The following TMCO4 variants were observed in gnomAD, a reference collection of about 807,000 sequenced individuals.
TMCO4 encodes transmembrane and coiled-coil domains 4.
TMCO4 carries 58 observed loss-of-function variants against 64.7 expected under a neutral mutation model. That is an observed-to-expected ratio of 0.90 (90% confidence interval 0.73 to 1.12). The LOEUF (loss-of-function observed/expected upper bound fraction) is 1.12, where lower values mean the gene tolerates loss of function less well. Ranked by LOEUF, TMCO4 falls within the 50% of genes most tolerant of loss-of-function variation. The pLI is 0.00. For synonymous variants in TMCO4, 325 were observed against 346.1 expected, an observed-to-expected ratio of 0.94 and a Z score of 0.68; for missense variants, 780 against 825.9, an observed-to-expected ratio of 0.94 and a Z score of 0.68.
At position 19,702,285 on chromosome 1, in the gene TMCO4, C is replaced by CAAAA. The variant is rs71010505; in HGVS notation, c.1265-1404_1265-1401dup. ...TGCCTGGCCGAGACTCTTGTCTTTA[C>CAAAA]AAAAAAAAAAAAAAAAAAAGTCAGG... On this transcript the variant is annotated intron_variant, in intron 13 of 15. Transcript: ENST00000294543. Among the ~76,000 whole-genome samples the CAAAA allele has an allele frequency of 7.7e-3, 795 of 102,892 alleles. 27 individuals are homozygous for CAAAA. The highest frequency in any genetic ancestry group is 0.025 in the African/African-American group (732 of 29,064). 67.5% of individuals were successfully genotyped at this position (102,892 alleles called of 152,430 possible). A position where few individuals can be genotyped will look rare whatever the true frequency, so the allele number is the denominator to read the frequency against.
At chr1:19,764,944 C>G (rs960147550) in intron 6 of TMCO4, among the ~76,000 whole-genome samples, 2 of 150,772 alleles carry the variant, frequency 1.3e-5, no homozygotes, top group African/African-American at 4.9e-5. Flanking sequence ...CACCTCAAGT[C>G]TTTCTGATTC....
At chr1:19,775,059 GGTTT>G (rs916714723) in intron 4 of TMCO4, among the ~76,000 whole-genome samples, 25 of 152,032 alleles carry the variant, frequency 1.6e-4, no homozygotes, top group Non-Finnish European at 2.4e-4. Flanking sequence ...TGCTGGGTTT[GGTTT>G]GTTTGTTTGT....
Position 19,686,954 on chromosome 1 carries a change from AAT to A in TMCO4, c.1501-3512_1501-3511del, listed in dbSNP as rs1491356481. Among the ~76,000 whole-genome samples, 17 of 61,754 alleles carry A rather than the reference AAT, an allele frequency of 2.8e-4. 1 individual carries two copies. The South Asian group carries it at 7.9e-3, about 29-fold the overall frequency. The allele number at this position is 61,754 out of a possible 152,430, so 40.5% of individuals were successfully genotyped here. On this transcript the variant is annotated intron_variant, in intron 15 of 15. Transcript: ENST00000294543. Reference sequence around the variant, plus strand: ...ATCCAAAACACTTTTTGTTTTTCTTAATTTTTTTTTTTTTTGAGACGGAGTCT... The same window carrying A: ...ATCCAAAACACTTTTTGTTTTTCTTATTTTTTTTTTTTTGAGACGGAGTCT...
chr1:19,690,091 C>T (rs2095180161), intron 15 of TMCO4, among the ~76,000 whole-genome samples: 2 of 152,248 alleles, frequency 1.3e-5, no homozygotes, highest in South Asian at 4.1e-4. Context: ...ACTTTCCTGC[C>T]TTTGGGTAGG....
intron 13 of TMCO4, among the ~76,000 whole-genome samples, chr1:19,708,326 T>C (rs1318384687): frequency 6.6e-6 from 1 of 151,740 alleles, no homozygotes; most frequent in Non-Finnish European, 1.5e-5. Flanking sequence ...ACTGGACTCC[T>C]GAGACGGTGC....
chr1:19,780,458 A>T, intron 4 of TMCO4, 122 bp downstream of exon 4: 1 of 1,213,884 alleles, frequency 8.2e-7, no homozygotes, highest in South Asian at 1.7e-5. Flanking sequence ...CCTGCGTTAG[A>T]GGCAAGGACA....
At chr1:19,721,517 G>A (rs1425730540) in intron 13 of TMCO4, among the ~76,000 whole-genome samples, 2 of 152,226 alleles carry the variant, frequency 1.3e-5, no homozygotes, top group South Asian at 2.1e-4. Context: ...GGCCAGGCGC[G>A]GGGGCTCATG....
At chr1:19,686,812 C>CT (rs1284937368) in intron 15 of TMCO4, among the ~76,000 whole-genome samples, 1 of 152,206 alleles carries the variant, frequency 6.6e-6, no homozygotes, top group Admixed American at 6.5e-5. Context: ...TGAACCACAG[C>CT]TTCCCCATCT....
At chr1:19,685,305 G>A (rs541535139) in intron 15 of TMCO4, among the ~76,000 whole-genome samples, 4 of 148,846 alleles carry the variant, frequency 2.7e-5, no homozygotes, top group South Asian at 2.2e-4. Context: ...CAGTTTGGGC[G>A]ACAGAGCAAG....
intron 4 of TMCO4, among the ~76,000 whole-genome samples, chr1:19,772,137 C>T (rs2101029056): frequency 6.6e-6 from 1 of 152,286 alleles, no homozygotes; most frequent in African/African-American, 2.4e-5. Flanking sequence ...AGGGTGGATG[C>T]TCAAGTAACC....
Position 19,740,954 on chromosome 1 carries a change from C to T in TMCO4, c.878-13G>A, listed in dbSNP as rs1338420851. 1 of 1,588,864 alleles carries T rather than the reference C, an allele frequency of 6.3e-7. No individual in the cohort carries two copies. The highest frequency in any genetic ancestry group is 8.6e-7 in the Non-Finnish European group (1 of 1,167,060). On this transcript the variant is annotated splice_polypyrimidine_tract_variant and intron_variant, in intron 10 of 15. Transcript: ENST00000294543. The stretch of plus-strand genomic sequence containing the variant: ...GCACTGAAGGTGCCTGGGGAGATCA[C>T]AGGTAGGTGAAGTCTCTCTTGTCTA...
intron 9 of TMCO4, among the ~76,000 whole-genome samples, chr1:19,746,060 C>T (rs1314592716): frequency 2.0e-5 from 3 of 152,170 alleles, no homozygotes; most frequent in Admixed American, 6.5e-5. Context: ...AATGTCTGTG[C>T]ATGACGAGGT....
rs1226151993 is a variant in TMCO4, at chr1:19,732,268, C to T, written c.1264+5104G>A. ...CTCACTGCATCTTCAACCTCCTGGG[C>T]TCAAGTGATCCTCCTGCCTCAGCCT... On this transcript the variant is annotated intron_variant, in intron 13 of 15. Transcript: ENST00000294543. This position sits in a 1 kb window ranked among gnomAD's most constrained non-coding sequence, Gnocchi z 4.8. Among the ~76,000 whole-genome samples, 1 of 152,170 alleles carries T rather than the reference C, an allele frequency of 6.6e-6. No homozygotes were observed. The highest frequency in any genetic ancestry group is 2.4e-5 in the African/African-American group (1 of 41,438).
At chr1:19,760,972 A>G (rs754110526) in intron 6 of TMCO4, among the ~76,000 whole-genome samples, 1 of 152,236 alleles carries the variant, frequency 6.6e-6, no homozygotes, top group Non-Finnish European at 1.5e-5. Context: ...TCCTATGACC[A>G]ATAATCCTAT....
chr1:19,699,804 G>GCA (rs2100607601), intron 14 of TMCO4, among the ~76,000 whole-genome samples: 1 of 152,292 alleles, frequency 6.6e-6, no homozygotes, highest in Admixed American at 6.5e-5. Context: ...TATGTACCAT[G>GCA]CACACACATA....
intron 10 of TMCO4, among the ~76,000 whole-genome samples, chr1:19,742,445 C>T (rs2095483875): frequency 6.6e-6 from 1 of 152,190 alleles, no homozygotes; most frequent in Non-Finnish European, 1.5e-5. Context: ...TACCTGCCTG[C>T]TCCAAAGCTC....
At chr1:19,685,944 G>C (rs573882273) in intron 15 of TMCO4, among the ~76,000 whole-genome samples, 1 of 152,036 alleles carries the variant, frequency 6.6e-6, no homozygotes, top group East Asian at 1.9e-4. Context: ...AGCCAGGATG[G>C]TCTTGATCTC....
At chr1:19,773,927 T>C (rs1234191478) in intron 4 of TMCO4, among the ~76,000 whole-genome samples, 1 of 152,192 alleles carries the variant, frequency 6.6e-6, no homozygotes, top group Non-Finnish European at 1.5e-5. Context: ...CTGGTTCCCC[T>C]GGAAATTGGC....
intron 15 of TMCO4, 98 bp from the exon 16 acceptor site, chr1:19,683,542 G>A (rs61768264): frequency 7.3e-7 from 1 of 1,373,050 alleles, no homozygotes; most frequent in South Asian, 1.4e-5. Flanking sequence ...CTTGCCCTGA[G>A]CATCCACAGC....
Sources: gnomAD v4.1 joint callset for allele counts (sites outside exome capture counted in the v4.1 genomes callset) on GRCh38, gnomAD v4.1.1 for gene constraint, Gnocchi (gnomAD v3.1) non-coding constraint, MANE v1.5 for transcripts, NCBI Gene and HGNC (gene_info 2026-07-23, HGNC 2026-07-21) for gene names.